Variants in HS6ST3 observed in about 807,000 individuals in gnomAD.
HS6ST3 encodes the protein heparan-sulfate 6-O-sulfotransferase 3.
A neutral mutation model predicts 36.7 loss-of-function variants in HS6ST3; 12 were observed. The observed-to-expected ratio is 0.33, with a 90% CI of 0.21 to 0.53. The LOEUF (loss-of-function observed/expected upper bound fraction) is 0.53. HS6ST3 is among the 20% of genes least tolerant of loss of function. The pLI, the probability that HS6ST3 is intolerant of heterozygous loss-of-function variation, is 0.95. For missense variants in HS6ST3, 584 were observed against 640.9 expected (o/e 0.91, Z 0.96); for synonymous variants, 240 against 257.5 (o/e 0.93, Z 0.65).
chr13:96,167,218 A>C (rs536611282), intron 1 of HS6ST3, among the ~76,000 whole-genome samples: 1 of 152,244 alleles, frequency 6.6e-6, no homozygotes, highest in Admixed American at 6.5e-5. Context: ...GGAGATTTTC[A>C]TGCATATCTT....
intron 1 of HS6ST3, among the ~76,000 whole-genome samples, chr13:96,616,928 A>G (rs998473170): frequency 4.6e-5 from 7 of 152,228 alleles, no homozygotes; most frequent in Admixed American, 1.3e-4. Context: ...CTTATTGAAG[A>G]ATAATTCATG....
chr13:96,830,267 G>A (rs569620180), intron 1 of HS6ST3, among the ~76,000 whole-genome samples: 50 of 152,150 alleles, frequency 3.3e-4, no homozygotes, highest in African/African-American at 1.2e-3. Flanking sequence ...AATTACAGTG[G>A]GTTTATTGAA....
chr13:96,253,089 T>C (rs983898632), intron 1 of HS6ST3, among the ~76,000 whole-genome samples: 1 of 152,072 alleles, frequency 6.6e-6, no homozygotes, highest in Non-Finnish European at 1.5e-5. Flanking sequence ...CACAGGGTGC[T>C]AGGGTATGTG....
chr13:96,343,702 A>G (rs1232467158), intron 1 of HS6ST3, among the ~76,000 whole-genome samples: 1 of 151,252 alleles, frequency 6.6e-6, no homozygotes, highest in East Asian at 1.9e-4. Context: ...CATTTCCCTT[A>G]TTTATTTCCT....
chr13:96,145,113 TGCG>T, intron 1 of HS6ST3, among the ~76,000 whole-genome samples: 1 of 6,442 alleles, frequency 1.6e-4, no homozygotes, highest in African/African-American at 4.6e-4. Context: ...AACATACGTG[TGCG>T]TGTGCATGTG....
At position 96,814,385 on chromosome 13, in the gene HS6ST3, A is replaced by T. The variant is rs1484212091; in HGVS notation, c.708-18105A>T. On this transcript the variant is annotated intron_variant, in intron 1 of 1. Coordinates refer to ENST00000376705, the MANE Select transcript of HS6ST3 (RefSeq NM_153456.4). ...ATTATTTCTAGTCTTCAGAGTTCTG[A>T]TGAGAAAATCGTGGCGAGTTGATTT... Among the ~76,000 whole-genome samples the T allele has an allele frequency of 3.9e-5, 6 of 152,292 alleles. No homozygotes were observed. The South Asian group carries it at 8.3e-4, about 21-fold the overall frequency.
At chr13:96,776,925 T>C (rs996891162) in intron 1 of HS6ST3, among the ~76,000 whole-genome samples, 1 of 152,068 alleles carries the variant, frequency 6.6e-6, no homozygotes, top group Admixed American at 6.6e-5. Flanking sequence ...TTATGAACAT[T>C]GATGCAAAAA....
chr13:96,133,377 C>T lies in HS6ST3; in HGVS notation c.707+41808C>T, dbSNP rs187369095. Among the ~76,000 whole-genome samples the T allele has an allele frequency of 3.7e-3, 569 of 151,970 alleles. 4 individuals carry two copies. The highest frequency in any genetic ancestry group is 0.013 in the African/African-American group (546 of 41,426). On this transcript the variant is annotated intron_variant, in intron 1 of 1. Coordinates refer to ENST00000376705, the MANE Select transcript of HS6ST3 (RefSeq NM_153456.4). ...TCCTGACCTCGTGATCCGCCCGCCTCGGTCTCCCAAAGTGCTGGAATTACA... is the reference window on the plus strand; with the variant it reads ...TCCTGACCTCGTGATCCGCCCGCCTTGGTCTCCCAAAGTGCTGGAATTACA...
At chr13:96,792,356 G>GA (rs565867879) in intron 1 of HS6ST3, among the ~76,000 whole-genome samples, 11 of 151,702 alleles carry the variant, frequency 7.3e-5, no homozygotes, top group Non-Finnish European at 1.6e-4. Flanking sequence ...TTGACATTTT[G>GA]AAAAAAACTA....
At chr13:96,342,084 CAA>C (rs558123032) in intron 1 of HS6ST3, among the ~76,000 whole-genome samples, 1 of 144,774 alleles carries the variant, frequency 6.9e-6, no homozygotes, top group East Asian at 2.0e-4. Flanking sequence ...TCCCCCTCCA[CAA>C]AAAAAAAAGT....
intron 1 of HS6ST3, among the ~76,000 whole-genome samples, chr13:96,146,508 A>C (rs2054059067): frequency 1.3e-5 from 2 of 152,176 alleles, no homozygotes; most frequent in Admixed American, 1.3e-4. Context: ...TTGATTTTAA[A>C]AAAGAATATT....
chr13:96,153,975 G>A (rs1216495598), intron 1 of HS6ST3, among the ~76,000 whole-genome samples: 3 of 152,140 alleles, frequency 2.0e-5, no homozygotes, highest in Non-Finnish European at 4.4e-5. Context: ...CTTTGCCCAG[G>A]TAGTTAGCCA....
At chr13:96,191,399 T>A (rs1189579222) in intron 1 of HS6ST3, among the ~76,000 whole-genome samples, 3 of 152,248 alleles carry the variant, frequency 2.0e-5, no homozygotes, top group African/African-American at 7.2e-5. Flanking sequence ...ACAGTCCTTG[T>A]AGTTCTTTGA....
chr13:96,633,793 G>T (rs2056539992), intron 1 of HS6ST3, among the ~76,000 whole-genome samples: 1 of 152,154 alleles, frequency 6.6e-6, no homozygotes, highest in African/African-American at 2.4e-5. Flanking sequence ...GGCAGAATGG[G>T]AACGACATTG....
chr13:96,643,895 T>C lies in HS6ST3; in HGVS notation c.708-188595T>C, dbSNP rs976049751. Among the ~76,000 whole-genome samples, 5 of 151,974 alleles carry C rather than the reference T, an allele frequency of 3.3e-5. No homozygotes were observed. In the East Asian group the frequency reaches 9.7e-4, roughly 29 times the overall value. On this transcript the variant is annotated intron_variant, in intron 1 of 1. Transcript: ENST00000376705. ...GGGCAAGTTAAAATAACATACAATG[T>C]GCTTTTCTTAATAAAATTTAGCTTC...
At chr13:96,116,106 A>G (rs2053892599) in intron 1 of HS6ST3, among the ~76,000 whole-genome samples, 2 of 152,180 alleles carry the variant, frequency 1.3e-5, no homozygotes, top group South Asian at 4.1e-4. Context: ...TCTCTGGAAA[A>G]CAAGACAATA....
At chr13:96,685,444 C>T (rs1216381996) in intron 1 of HS6ST3, among the ~76,000 whole-genome samples, 4 of 152,026 alleles carry the variant, frequency 2.6e-5, no homozygotes, top group Non-Finnish European at 4.4e-5. Flanking sequence ...ATATCATAAG[C>T]ACATATTTAT....
chr13:96,774,640 T>G (rs1487115696), intron 1 of HS6ST3, among the ~76,000 whole-genome samples: 2 of 151,846 alleles, frequency 1.3e-5, no homozygotes, highest in African/African-American at 2.4e-5. Flanking sequence ...GAAAAAATAA[T>G]GAAAAGGAAT....
At chr13:96,213,685 C>T (rs919921567) in intron 1 of HS6ST3, among the ~76,000 whole-genome samples, 4 of 152,108 alleles carry the variant, frequency 2.6e-5, no homozygotes, top group Non-Finnish European at 5.9e-5. Context: ...ACTAGGAAAA[C>T]TCCTGGAATC....
Sources: allele counts gnomAD v4.1 joint callset (sites outside exome capture counted in the v4.1 genomes callset), GRCh38; gene constraint gnomAD v4.1.1; transcripts MANE v1.5; gene names NCBI Gene and HGNC (gene_info 2026-07-23, HGNC 2026-07-21).